KRT80: variants seen among roughly 807,000 people sequenced by gnomAD.
KRT80 encodes keratin 80.
Under a neutral mutation model 51.5 loss-of-function variants are expected in KRT80, and 36 were observed. The ratio of observed to expected loss-of-function variants is 0.70; its 90% CI spans 0.54 to 0.92. The LOEUF (loss-of-function observed/expected upper bound fraction) is 0.92. Ranked by LOEUF, KRT80 falls within the 40% of genes least tolerant of loss-of-function variation. The probability of loss-of-function intolerance (pLI) is 0.00; values close to 1 mark genes in which losing one functional copy is unlikely to be tolerated. For missense variants in KRT80, 566 were observed against 591.7 expected (o/e 0.96, Z 0.45); for synonymous variants, 235 against 248.3 (o/e 0.95, Z 0.50).
intron 4 of KRT80, among the ~76,000 whole-genome samples, chr12:52,180,287 C>A (rs959866271): frequency 6.6e-6 from 1 of 152,152 alleles, no homozygotes; most frequent in Admixed American, 6.5e-5. Context: ...AAAGAGTGGC[C>A]TTTGGGGAAC....
rs374717924 is a variant in KRT80, at chr12:52,185,457, C to T, written c.431G>A (p.Arg144His). Residue 144 changes from arginine (R) to histidine (H), a missense_variant, in exon 2 of 9, where the codon CGC becomes CAC. By Grantham distance (29) the Arg-to-His change is conservative. Coordinates refer to ENST00000394815, the MANE Select transcript of KRT80 (RefSeq NM_182507.3). ...CTGCCCCCGCTCCTGGCTCACTTTGCGCAGTTCCTCCTGCAGCCGGCCCTG... is the reference window on the plus strand; with the variant it reads ...CTGCCCCCGCTCCTGGCTCACTTTGTGCAGTTCCTCCTGCAGCCGGCCCTG... ...EYQGRLQEEL[R>H]KVSQERGQLE... 9.3e-5 allele frequency: 150 copies of T among 1,614,044 alleles called. 1 individual carries two copies. The South Asian group carries it at 1.2e-3, about 13-fold the overall frequency.
chr12:52,189,870 C>T (rs972922384), intron 1 of KRT80, among the ~76,000 whole-genome samples: 1 of 152,246 alleles, frequency 6.6e-6, no homozygotes, highest in Non-Finnish European at 1.5e-5. Flanking sequence ...CTTCCCTGTG[C>T]TTATATCCTC....
At chr12:52,179,700 G>A (rs1451517814) in intron 4 of KRT80, among the ~76,000 whole-genome samples, 2 of 152,230 alleles carry the variant, frequency 1.3e-5, no homozygotes, top group African/African-American at 4.8e-5. Context: ...CTTGACCTTG[G>A]CTGCACTGCC....
chr12:52,180,948 G>A lies in KRT80; in HGVS notation c.525C>T (p.Ile175=). 1 of 1,531,448 alleles carries A rather than the reference G, an allele frequency of 6.5e-7. No individual in the cohort carries two copies. Among genetic ancestry groups the A allele is most frequent in the Non-Finnish European group, 8.8e-7 (1 of 1,141,162 alleles). The allele number at this position is 1,531,448 out of a possible 1,614,324, so 94.9% of individuals were successfully genotyped here. A position where few individuals can be genotyped will look rare whatever the true frequency, so the allele number is the denominator to read the frequency against. ...EEFRIRYEDE[I]SKRTDMEFTF... ...TGAACTCCATGTCTGTGCGCTTGGAGATCTCATCCTCATACCTGGGAGGGA... is the reference window on the plus strand; with the variant it reads ...TGAACTCCATGTCTGTGCGCTTGGAAATCTCATCCTCATACCTGGGAGGGA... The change falls in exon 3 of 9, where the codon ATC becomes ATT. Residue 175 remains isoleucine, a synonymous_variant. Coordinates refer to ENST00000394815, the MANE Select transcript of KRT80 (RefSeq NM_182507.3).
chr12:52,173,006 C>A (rs749568634), intron 6 of KRT80, 32 bp downstream of exon 6: 1 of 1,591,458 alleles, frequency 6.3e-7, no homozygotes. Flanking sequence ...TGCTCTCCTC[C>A]CCGCCCCCAG....
rs759253762 is a variant in KRT80 at position 52,173,677 on chromosome 12, C to G, written c.754G>C (p.Val252Leu). Reference protein sequence around the residue: ...SRCHIDLSGIVEEVKAQYDAV... With the variant: ...SRCHIDLSGILEEVKAQYDAV... Reference sequence around the variant, plus strand: ...TCATACTGGGCCTTCACCTCCTCCACGATGCCGCTCAGGTCGATGTGGCAG... The same window carrying G: ...TCATACTGGGCCTTCACCTCCTCCAGGATGCCGCTCAGGTCGATGTGGCAG... The change falls in exon 5 of 9, where the codon GTG becomes CTG. Residue 252 changes from valine (V) to leucine (L), a missense_variant. Coordinates refer to ENST00000394815, the MANE Select transcript of KRT80 (RefSeq NM_182507.3). 3.1e-6 allele frequency: 5 copies of G among 1,613,020 alleles called. No homozygotes were observed. In the African/African-American group the frequency reaches 6.7e-5, roughly 22 times the overall value.
chr12:52,172,375 C>T lies in KRT80; in HGVS notation c.1001G>A (p.Gly334Asp). ...EENIKTAEEQ[G>D]ELAFQDAKTK... ...CTTGGCATCCTGGAAGGCCAGCTCA[C>T]CCTGCTCCTCAGCTGTCTTGATGTT... Residue 334 changes from glycine to aspartate, a missense_variant, in exon 7 of 9, where the codon GGT becomes GAT. Physicochemically the swap from Gly to Asp is moderately conservative, Grantham distance 94. Coordinates refer to ENST00000394815, the MANE Select transcript of KRT80 (RefSeq NM_182507.3). 6.2e-7 allele frequency: 1 copy of T among 1,614,174 alleles called. No homozygotes were observed. Among genetic ancestry groups the T allele is most frequent in the Non-Finnish European group, 8.5e-7 (1 of 1,179,998 alleles).
At chr12:52,171,558 C>T in intron 8 of KRT80, 36 bp from the exon 9 acceptor site, 1 of 1,613,710 alleles carries the variant, frequency 6.2e-7, no homozygotes, top group Non-Finnish European at 8.5e-7. Context: ...AGGGAAGGGG[C>T]TGGAGGTTTG....
chr12:52,178,567 C>T (rs1049052695), intron 4 of KRT80, among the ~76,000 whole-genome samples: 5 of 152,244 alleles, frequency 3.3e-5, no homozygotes, highest in African/African-American at 1.2e-4. Flanking sequence ...GGCTCCAGCG[C>T]AGCACCCGGT....
At chr12:52,177,485 GGACTGT>G (rs1338283128) in intron 4 of KRT80, among the ~76,000 whole-genome samples, 1 of 152,124 alleles carries the variant, frequency 6.6e-6, no homozygotes, top group Non-Finnish European at 1.5e-5. Context: ...CTTGGGAGCT[GGACTGT>G]GTCTCAGAAA....
In KRT80 at chr12:52,191,811, C is replaced by A. The variant is rs776502168; in HGVS notation, c.92G>T (p.Trp31Leu). 1.1e-5 allele frequency: 17 copies of A among 1,603,332 alleles called. No homozygotes were observed. Among genetic ancestry groups the A allele is most frequent in the Middle Eastern group, 3.3e-4 (2 of 5,998 alleles). ...VGSPRPGTSGWDSCRAPGPGF... is the reference protein window; with the variant it reads ...VGSPRPGTSGLDSCRAPGPGF... ...CGGCCCGGGGGCCCTGCAGCTGTCC[C>A]ATCCTGAGGTTCCAGGCCGGGGGCT... The change falls in exon 1 of 9, where the codon TGG becomes TTG. Residue 31 changes from tryptophan (W) to leucine (L), a missense_variant. By Grantham distance (61) the Trp-to-Leu change is moderately conservative. Transcript: ENST00000394815.
In KRT80 at chr12:52,171,683, G is replaced by A. The variant is rs1334568830; in HGVS notation, c.1209C>T (p.Ser403=). The A allele has an allele frequency of 1.1e-5, 18 of 1,571,248 alleles. No homozygotes were observed. Among genetic ancestry groups the A allele is most frequent in the East Asian group, 9.3e-5 (4 of 42,968 alleles). ...CGGTTTTGCACCTGGACTGCACAGC[G>A]CTGACCACAGTGGCTGAGGGCGAGT... ...RMDSPSATVV[S]AVQSRCKTAA... The change falls in exon 8 of 9, where the codon AGC becomes AGT. Residue 403 remains serine, a synonymous_variant. Coordinates refer to ENST00000394815, the MANE Select transcript of KRT80 (RefSeq NM_182507.3).
rs759607236 is a variant in KRT80, at chr12:52,185,389, A to T, written c.499T>A (p.Phe167Ile). The change falls in exon 2 of 9, where the codon TTT becomes ATT. Residue 167 changes from phenylalanine to isoleucine, a missense_variant. Physicochemically the swap from Phe to Ile is conservative, Grantham distance 21. Coordinates refer to ENST00000394815, the MANE Select transcript of KRT80 (RefSeq NM_182507.3). ...TGGGGCTCTACGTACCTGATTCGAA[A>T]CTCCTCAACCTTCTCCAGCACCTGC... ...LLQVLEKVEE[F>I]RIRYEDEISK... The T allele has an allele frequency of 6.2e-6, 10 of 1,611,186 alleles. No individual in the cohort carries two copies. In the East Asian group the frequency reaches 2.2e-4, roughly 36 times the overall value.
Position 52,171,454 on chromosome 12 carries a change from T to G in KRT80, c.1303A>C (p.Lys435Gln), listed in dbSNP as rs75380871. 3.1e-6 allele frequency: 5 copies of G among 1,612,878 alleles called. No homozygotes were observed. The African/African-American group carries it at 6.7e-5, about 22-fold the overall frequency. ...TACTTCTCTGACATTTCGGTGATTT[T>G]GATCACGGGGCCTTTGCTGCCCTTC... ...KKKGSKGPVIKITEMSEKYFS... is the reference protein window; with the variant it reads ...KKKGSKGPVIQITEMSEKYFS... The change falls in exon 9 of 9, where the codon AAA (lysine) becomes CAA (glutamine). Residue 435 changes from lysine (K) to glutamine (Q), a missense_variant. Lys to Gln is a moderately conservative substitution (Grantham distance 53, BLOSUM62 1). Transcript: ENST00000394815.
intron 4 of KRT80, among the ~76,000 whole-genome samples, chr12:52,179,108 A>G (rs1194778171): frequency 6.6e-6 from 1 of 152,236 alleles, no homozygotes; most frequent in Non-Finnish European, 1.5e-5. Context: ...GTAGAGAAAC[A>G]CTGGGCTCGG....
chr12:52,184,585 C>T (rs769157703), intron 2 of KRT80, among the ~76,000 whole-genome samples: 1 of 152,222 alleles, frequency 6.6e-6, no homozygotes, highest in African/African-American at 2.4e-5. Context: ...TTTAGATTGG[C>T]ATCAACCATA....
chr12:52,186,683 C>A (rs1329514157), intron 1 of KRT80, among the ~76,000 whole-genome samples: 1 of 152,176 alleles, frequency 6.6e-6, no homozygotes, highest in Non-Finnish European at 1.5e-5. Flanking sequence ...CCTGGGATCC[C>A]AGCTACCCTT....
intron 4 of KRT80, among the ~76,000 whole-genome samples, chr12:52,175,293 T>G (rs942436392): frequency 3.9e-5 from 6 of 152,326 alleles, no homozygotes. Context: ...TGGGTTTGAT[T>G]GTTGTACCCT....
Position 52,191,753 on chromosome 12 carries a change from C to CCAG in KRT80, c.147_149dup (p.Cys49dup), listed in dbSNP as rs924271016. On this transcript the variant is annotated inframe_insertion, in exon 1 of 9. Coordinates refer to ENST00000394815, the MANE Select transcript of KRT80 (RefSeq NM_182507.3). ...TCACCTTGGAGATAGTGCCAGCCGA[C>CCAG]CAGCAGCCTGTGAGGCTGCGGGAGC... The CCAG allele has an allele frequency of 1.5e-5, 24 of 1,613,246 alleles. No individual in the cohort carries two copies. The highest frequency in any genetic ancestry group is 2.0e-5 in the Non-Finnish European group (24 of 1,179,868).
Sources: allele counts gnomAD v4.1 joint callset (sites outside exome capture counted in the v4.1 genomes callset), GRCh38; gene constraint gnomAD v4.1.1; transcripts MANE v1.5; gene names NCBI Gene and HGNC (gene_info 2026-07-23, HGNC 2026-07-21).